The following TENM3 variants were observed in gnomAD, a reference collection of about 807,000 sequenced individuals.
TENM3 encodes teneurin transmembrane protein 3.
In TENM3, 63 loss-of-function variants were observed where a neutral mutation model predicts 255.1. The ratio of observed to expected loss-of-function variants is 0.25; its 90% CI spans 0.20 to 0.30. TENM3 has a LOEUF of 0.30. Among genes scored for constraint, TENM3 ranks in the 10% least tolerant of loss-of-function variants. The pLI, the probability that TENM3 is intolerant of heterozygous loss-of-function variation, is 1.00. For synonymous variants in TENM3, 1,306 were observed against 1,322.3 expected, an observed-to-expected ratio of 0.99 and a Z score of 0.27; for missense variants, 2,929 against 3,461.1, an observed-to-expected ratio of 0.85 and a Z score of 3.86.
chr4:182,412,153 G>A (rs1371274856), intron 3 of TENM3, among the ~76,000 whole-genome samples: 1 of 152,144 alleles, frequency 6.6e-6, no homozygotes. Context: ...AGAAAGCTGG[G>A]TATCTGGGGT....
chr4:181,908,685 T>C, the TENM3 span, among the ~76,000 whole-genome samples: 2 of 152,220 alleles, frequency 1.3e-5, no homozygotes, highest in African/African-American at 4.8e-5. Context: ...GTAAAATTTT[T>C]ATTCGCCCTG....
chr4:182,471,209 C>G (rs1253353678), intron 3 of TENM3, among the ~76,000 whole-genome samples: 2 of 152,184 alleles, frequency 1.3e-5, no homozygotes, highest in Non-Finnish European at 2.9e-5. Context: ...TTCAGATTAT[C>G]TAAACACATT....
intron 3 of TENM3, among the ~76,000 whole-genome samples, chr4:182,547,151 A>G (rs1741531848): frequency 6.6e-6 from 1 of 152,160 alleles, no homozygotes; most frequent in Admixed American, 6.5e-5. Flanking sequence ...ACGGTAAAAC[A>G]GAGGCATGGT....
At chr4:182,261,441 C>A (rs1192734730) in intron 1 of TENM3, among the ~76,000 whole-genome samples, 3 of 152,128 alleles carry the variant, frequency 2.0e-5, no homozygotes, top group Admixed American at 6.5e-5. Flanking sequence ...AGGGGACACA[C>A]AGGAATGTGG....
At chr4:182,004,187 T>C in the TENM3 span, among the ~76,000 whole-genome samples, 1 of 152,192 alleles carries the variant, frequency 6.6e-6, no homozygotes, top group African/African-American at 2.4e-5. Flanking sequence ...TTGCTGCACC[T>C]ATTGACACGT....
chr4:181,847,827 T>G, the TENM3 span, among the ~76,000 whole-genome samples: 1 of 152,112 alleles, frequency 6.6e-6, no homozygotes, highest in East Asian at 1.9e-4. Context: ...AAAGATTATT[T>G]ATAAATAACT....
chr4:181,482,709 G>T, the TENM3 span, among the ~76,000 whole-genome samples: 3 of 151,934 alleles, frequency 2.0e-5, no homozygotes, highest in African/African-American at 7.3e-5. Context: ...TTTTGCCTCC[G>T]CCAGGTACTT....
the TENM3 span, among the ~76,000 whole-genome samples, chr4:181,804,724 T>C: frequency 2.0e-5 from 3 of 152,090 alleles, no homozygotes; most frequent in Non-Finnish European, 4.4e-5. Context: ...AAGTCAGAAG[T>C]GGATGCCTGG....
chr4:181,812,652 A>G, the TENM3 span, among the ~76,000 whole-genome samples: 10,263 of 152,176 alleles, frequency 0.067, 457 homozygotes, highest in South Asian at 0.14. Context: ...ACACATGAGT[A>G]TCATTAATAT....
the TENM3 span, among the ~76,000 whole-genome samples, chr4:181,878,138 T>C: frequency 6.6e-6 from 1 of 152,178 alleles, no homozygotes; most frequent in South Asian, 2.1e-4. Context: ...CAGATGAAGA[T>C]CATGAAAGAA....
chr4:181,904,993 C>T, the TENM3 span, among the ~76,000 whole-genome samples: 1 of 152,190 alleles, frequency 6.6e-6, no homozygotes, highest in African/African-American at 2.4e-5. Flanking sequence ...ATGTGACTTG[C>T]TCCTCCCTTA....
the TENM3 span, among the ~76,000 whole-genome samples, chr4:181,888,500 ATATATATATATATATG>A: frequency 1.4e-4 from 3 of 21,944 alleles, 1 homozygote; most frequent in Non-Finnish European, 2.5e-4. Flanking sequence ...ATGTGTATAT[ATATATATATATATATG>A]TATATATATA....
At chr4:182,537,836 A>G (rs917143537) in intron 3 of TENM3, among the ~76,000 whole-genome samples, 37 of 152,268 alleles carry the variant, frequency 2.4e-4, no homozygotes, top group East Asian at 1.4e-3. Flanking sequence ...TACCCCATAC[A>G]GTGTTCTGTG....
At chr4:182,473,159 C>T (rs1733297431) in intron 3 of TENM3, among the ~76,000 whole-genome samples, 1 of 151,946 alleles carries the variant, frequency 6.6e-6, no homozygotes, top group Non-Finnish European at 1.5e-5. Context: ...TACCTTTATT[C>T]TTGAAATTCC....
At chr4:182,068,950 A>C in the TENM3 span, among the ~76,000 whole-genome samples, 1 of 152,282 alleles carries the variant, frequency 6.6e-6, no homozygotes, top group Non-Finnish European at 1.5e-5. Flanking sequence ...AATAGGTGTT[A>C]GATTTTAGAG....
the TENM3 span, among the ~76,000 whole-genome samples, chr4:181,994,916 G>A: frequency 3.3e-5 from 5 of 152,156 alleles, no homozygotes; most frequent in Admixed American, 2.0e-4. Flanking sequence ...TTTTGTCTCC[G>A]TTGTATTATA....
At chr4:182,024,239 T>C in the TENM3 span, among the ~76,000 whole-genome samples, 1 of 152,206 alleles carries the variant, frequency 6.6e-6, no homozygotes, top group East Asian at 1.9e-4. Context: ...TTGTTTTGTA[T>C]TTGTTTTGTT....
chr4:182,773,603 C>T lies in TENM3; in HGVS notation c.5024C>T (p.Thr1675Ile). Residue 1675 changes from threonine to isoleucine, a missense_variant, in exon 23 of 28, where the codon ACT becomes ATT. Thr to Ile is a moderately conservative substitution (Grantham distance 89, BLOSUM62 -1). Transcript: ENST00000511685. ...AGCCGAGAAGAAGATGTCAGCATCA[C>T]TTCAAATCTGTCCTCGATCGATTCT... ...SSSREEDVSITSNLSSIDSFY... is the reference protein window; with the variant it reads ...SSSREEDVSIISNLSSIDSFY... 1 of 1,613,726 alleles carries T rather than the reference C, an allele frequency of 6.2e-7. No individual in the cohort carries two copies. The highest frequency in any genetic ancestry group is 8.5e-7 in the Non-Finnish European group (1 of 1,179,782).
At chr4:181,632,530 C>A in the TENM3 span, among the ~76,000 whole-genome samples, 1 of 152,104 alleles carries the variant, frequency 6.6e-6, no homozygotes, top group Non-Finnish European at 1.5e-5. Flanking sequence ...GATTCCAGTG[C>A]ACAGAAATAT....
Sources: allele counts gnomAD v4.1 joint callset (sites outside exome capture counted in the v4.1 genomes callset), GRCh38; gene constraint gnomAD v4.1.1; transcripts MANE v1.5; gene names NCBI Gene and HGNC (gene_info 2026-07-23, HGNC 2026-07-21).